Variants in CCDC85A observed in about 807,000 individuals in gnomAD.
The protein encoded by CCDC85A is coiled-coil domain containing 85A.
In CCDC85A, 38 loss-of-function variants were observed where a neutral mutation model predicts 50.2. That is an observed-to-expected ratio of 0.76 (90% CI 0.58 to 0.99). The LOEUF (loss-of-function observed/expected upper bound fraction) is 0.99. Among genes scored for constraint, CCDC85A ranks in the 50% least tolerant of loss-of-function variants. The pLI is 0.00. For synonymous variants in CCDC85A, 366 were observed against 301.4 expected (o/e 1.21, Z -2.22); for missense variants, 820 against 742.0 (o/e 1.11, Z -1.22).
intron 2 of CCDC85A, among the ~76,000 whole-genome samples, chr2:56,233,987 T>G (rs1211850124): frequency 6.6e-6 from 1 of 152,222 alleles, no homozygotes; most frequent in Non-Finnish European, 1.5e-5. Flanking sequence ...TTCTCAAGCA[T>G]AATTTTCAAA....
chr2:56,306,109 G>A (rs1656101938), intron 2 of CCDC85A, among the ~76,000 whole-genome samples: 1 of 152,040 alleles, frequency 6.6e-6, no homozygotes, highest in African/African-American at 2.4e-5. Context: ...TTTACTGTAA[G>A]TTTTGCGAAA....
rs754723015 is a variant in CCDC85A, at chr2:56,384,267, T to A, written c.1574T>A (p.Val525Asp). ...TCACTCCTTCTTTTTTTTTTTAAGG[T>A]TGTGTGGAGGAAACTTGGAGATGCT... ...QPEPVVHSLK[V>D]VWRKLGDAAG... is the part of the protein sequence containing the mutation. The change falls in exon 6 of 6, where the codon GTT becomes GAT. Residue 525 changes from valine (V) to aspartate (D), a missense_variant and splice_region_variant. Physicochemically the swap from Val to Asp is radical, Grantham distance 152. Coordinates refer to ENST00000407595, the MANE Select transcript of CCDC85A (RefSeq NM_001080433.2). 3 of 1,610,170 alleles carry A rather than the reference T, an allele frequency of 1.9e-6. No homozygotes were observed. Among genetic ancestry groups the A allele is most frequent in the Admixed American group, 3.4e-5 (2 of 59,682 alleles).
chr2:56,349,543 C>T (rs1573314606), intron 3 of CCDC85A, among the ~76,000 whole-genome samples: 1 of 152,098 alleles, frequency 6.6e-6, no homozygotes, highest in African/African-American at 2.4e-5. Flanking sequence ...AACATGGAGG[C>T]CCTCAAAATG....
intron 2 of CCDC85A, among the ~76,000 whole-genome samples, chr2:56,316,143 A>ACAG (rs1399375379): frequency 6.6e-6 from 1 of 152,140 alleles, no homozygotes; most frequent in African/African-American, 2.4e-5. Flanking sequence ...GGGTTAGTTA[A>ACAG]CAGCTGAGAT....
chr2:56,358,074 C>G (rs1043683749), intron 3 of CCDC85A, among the ~76,000 whole-genome samples: 3 of 152,186 alleles, frequency 2.0e-5, no homozygotes, highest in Non-Finnish European at 2.9e-5. Flanking sequence ...TTTAGTATTT[C>G]TATTTTGCTC....
intron 2 of CCDC85A, among the ~76,000 whole-genome samples, chr2:56,206,087 G>T (rs911620511): frequency 6.6e-6 from 1 of 151,990 alleles, no homozygotes; most frequent in Non-Finnish European, 1.5e-5. Flanking sequence ...GAGATGAGTA[G>T]GTCTATGCTT....
intron 2 of CCDC85A, among the ~76,000 whole-genome samples, chr2:56,288,743 A>G (rs1671563339): frequency 6.6e-6 from 1 of 152,152 alleles, no homozygotes; most frequent in Non-Finnish European, 1.5e-5. Context: ...TTTTTAAAAA[A>G]CAAATCTGTT....
chr2:56,283,408 T>C (rs752136351), intron 2 of CCDC85A, among the ~76,000 whole-genome samples: 19 of 152,226 alleles, frequency 1.2e-4, no homozygotes, highest in Non-Finnish European at 2.5e-4. Flanking sequence ...TAAAATGTGT[T>C]ACACTGATTC....
At chr2:56,319,128 A>G (rs1346017581) in intron 2 of CCDC85A, among the ~76,000 whole-genome samples, 1 of 152,160 alleles carries the variant, frequency 6.6e-6, no homozygotes, top group Non-Finnish European at 1.5e-5. Context: ...GAATGGAAGC[A>G]GGTAATAATA....
At chr2:56,203,785 C>T (rs1379670499) in intron 2 of CCDC85A, among the ~76,000 whole-genome samples, 3 of 152,062 alleles carry the variant, frequency 2.0e-5, no homozygotes, top group East Asian at 1.9e-4. Flanking sequence ...ATTTTATAAA[C>T]CCCCTTTAGA....
intron 2 of CCDC85A, among the ~76,000 whole-genome samples, chr2:56,200,587 G>T (rs949630463): frequency 6.6e-6 from 1 of 152,154 alleles, no homozygotes; most frequent in Admixed American, 6.5e-5. Context: ...GTTTCCAATA[G>T]AAAGAACCTC....
intron 3 of CCDC85A, among the ~76,000 whole-genome samples, chr2:56,344,153 C>G (rs1405605026): frequency 6.6e-6 from 1 of 152,102 alleles, no homozygotes; most frequent in East Asian, 1.9e-4. Flanking sequence ...CCCTACAATA[C>G]TATGTTTTCT....
chr2:56,227,079 C>G (rs1269420247), intron 2 of CCDC85A, among the ~76,000 whole-genome samples: 1 of 152,106 alleles, frequency 6.6e-6, no homozygotes, highest in Non-Finnish European at 1.5e-5. Context: ...TCTTTAGTAA[C>G]TTGAGTAGCT....
intron 2 of CCDC85A, among the ~76,000 whole-genome samples, chr2:56,322,601 C>T (rs1056095680): frequency 3.9e-5 from 6 of 152,300 alleles, no homozygotes; most frequent in East Asian, 3.9e-4. Context: ...GAGATACCAT[C>T]TCACACCAGT....
At chr2:56,287,895 G>A (rs1263585395) in intron 2 of CCDC85A, among the ~76,000 whole-genome samples, 1 of 152,106 alleles carries the variant, frequency 6.6e-6, no homozygotes, top group African/African-American at 2.4e-5. Context: ...AGGACTGTAG[G>A]CCTTTTAAGT....
At chr2:56,195,483 A>G (rs566695634) in intron 2 of CCDC85A, among the ~76,000 whole-genome samples, 1 of 152,356 alleles carries the variant, frequency 6.6e-6, no homozygotes, top group South Asian at 2.1e-4. Context: ...TGATATCCTC[A>G]GAGTATATTT....
chr2:56,290,444 T>G (rs936175533), intron 2 of CCDC85A, among the ~76,000 whole-genome samples: 1 of 152,200 alleles, frequency 6.6e-6, no homozygotes, highest in East Asian at 1.9e-4. Flanking sequence ...ATATGCCTGA[T>G]TCTGTGCCCC....
chr2:56,341,882 A>G (rs1573299751), intron 2 of CCDC85A, among the ~76,000 whole-genome samples: 1 of 152,292 alleles, frequency 6.6e-6, no homozygotes, highest in East Asian at 1.9e-4. Context: ...TTTTTCTGTC[A>G]ATGTCTGTAA....
chr2:56,237,424 T>G (rs985792), intron 2 of CCDC85A, among the ~76,000 whole-genome samples: 38,567 of 152,128 alleles, frequency 0.25, 5,782 homozygotes, highest in African/African-American at 0.4. Flanking sequence ...ATCATAGAGA[T>G]TCAGAAGATT....
Sources: gnomAD v4.1 joint callset for allele counts (sites outside exome capture counted in the v4.1 genomes callset) on GRCh38, gnomAD v4.1.1 for gene constraint, MANE v1.5 for transcripts, NCBI Gene and HGNC (gene_info 2026-07-23, HGNC 2026-07-21) for gene names.